Variants in CPNE2 observed in about 807,000 individuals in gnomAD.
CPNE2 encodes copine 2, also known as copine-2.
A neutral mutation model predicts 69.7 loss-of-function variants in CPNE2; 42 were observed. That is an observed-to-expected ratio of 0.60 (90% confidence interval 0.47 to 0.78). CPNE2 has a LOEUF of 0.78. Among genes scored for constraint, CPNE2 ranks in the 30% least tolerant of loss-of-function variants. The probability of loss-of-function intolerance (pLI) is 0.00; values close to 1 mark genes in which losing one functional copy is unlikely to be tolerated. For synonymous variants in CPNE2, 294 were observed against 289.8 expected (o/e 1.01, Z -0.15); for missense variants, 587 against 732.0 (o/e 0.80, Z 2.29).
At chr16:57,109,488 AAAAG>A (rs1159324760) in intron 1 of CPNE2, among the ~76,000 whole-genome samples, 3 of 152,042 alleles carry the variant, frequency 2.0e-5, no homozygotes, top group Non-Finnish European at 4.4e-5. Flanking sequence ...AAAAAAAAAA[AAAAG>A]AAAGTAAAGG....
Position 57,099,647 on chromosome 16 carries a change from G to T in CPNE2, c.-36+6857G>T, listed in dbSNP as rs531188375. Among the ~76,000 whole-genome samples the T allele has an allele frequency of 5.9e-5, 9 of 152,016 alleles. 1 individual carries two copies. Among genetic ancestry groups the T allele is most frequent in the African/African-American group, 2.2e-4 (9 of 41,450 alleles). On this transcript the variant is annotated intron_variant, in intron 1 of 15. Coordinates refer to ENST00000290776, the MANE Select transcript of CPNE2 (RefSeq NM_152727.6). ...CAGTTTCATTCTGTTGCCCTGGCTG[G>T]AGTGCAGTGGCGCGATCTCAGCTTG...
At position 57,130,047 on chromosome 16, in the gene CPNE2, A is replaced by G. The variant is rs1400075834; in HGVS notation, c.1116+2144A>G. Among the ~76,000 whole-genome samples the G allele has an allele frequency of 1.3e-5, 2 of 152,136 alleles. No homozygotes were observed. Among genetic ancestry groups the G allele is most frequent in the African/African-American group, 4.8e-5 (2 of 41,426 alleles). On this transcript the variant is annotated intron_variant, in intron 12 of 15. Coordinates refer to ENST00000290776, the MANE Select transcript of CPNE2 (RefSeq NM_152727.6). The surrounding 1 kb of genome is among the most constrained non-coding windows in gnomAD (Gnocchi z 4.1). The stretch of plus-strand genomic sequence containing the variant: ...GAGGATTGCTTGAGCCAGGAGTTCA[A>G]GACCAGTCTGGGCAACACAGTGAGA...
At chr16:57,124,082 CTTTTCTTTTT>C (rs200895563) in intron 10 of CPNE2, 4,609 of 172,496 alleles carry the variant, frequency 0.027, 218 homozygotes, top group East Asian at 0.12. Flanking sequence ...CTTTTCTTTT[CTTTTCTTTTT>C]TTTTTTTGAG....
chr16:57,104,980 G>A (rs910384982), intron 1 of CPNE2, among the ~76,000 whole-genome samples: 2 of 152,178 alleles, frequency 1.3e-5, no homozygotes, highest in Admixed American at 1.3e-4. Context: ...TGTCATCCTG[G>A]GCACGATTTG....
intron 14 of CPNE2, among the ~76,000 whole-genome samples, chr16:57,138,222 T>TCTCATCC: frequency 6.6e-6 from 1 of 152,100 alleles, no homozygotes; most frequent in Admixed American, 6.5e-5. Flanking sequence ...TTTCTCATCT[T>TCTCATCC]CCACCTCCAT....
Position 57,121,670 on chromosome 16 carries a change from C to G in CPNE2, c.781-4C>G, listed in dbSNP as rs372880318. ...TGAGTGTCTCTTTCTTTTGCGTTGC[C>G]CAGCTGGAGTTCGAGTGCATCAACC... On this transcript the variant is annotated splice_region_variant and splice_polypyrimidine_tract_variant and intron_variant, in intron 8 of 15. Coordinates refer to ENST00000290776, the MANE Select transcript of CPNE2 (RefSeq NM_152727.6). 5 of 1,613,822 alleles carry G rather than the reference C, an allele frequency of 3.1e-6. No homozygotes were observed. In the African/African-American group the frequency reaches 5.3e-5, roughly 17 times the overall value.
chr16:57,118,977 G>A (rs1437188889), intron 5 of CPNE2, among the ~76,000 whole-genome samples: 1 of 152,018 alleles, frequency 6.6e-6, no homozygotes, highest in Non-Finnish European at 1.5e-5. Context: ...GCCTCAGGGT[G>A]GGGGGTTTCT....
chr16:57,133,251 G>A (rs764911963), intron 12 of CPNE2, among the ~76,000 whole-genome samples: 2 of 152,156 alleles, frequency 1.3e-5, no homozygotes, highest in Non-Finnish European at 2.9e-5. Flanking sequence ...AGGGACACCA[G>A]GGGACTGGCT....
At chr16:57,142,395 G>A (rs936748088) in intron 14 of CPNE2, 2 of 152,434 alleles carry the variant, frequency 1.3e-5, no homozygotes, top group Admixed American at 6.5e-5. Flanking sequence ...GGCACGTGCC[G>A]AGGCCTGGAG....
chr16:57,129,310 A>G (rs2069821847), intron 12 of CPNE2, among the ~76,000 whole-genome samples: 1 of 152,216 alleles, frequency 6.6e-6, no homozygotes, highest in Non-Finnish European at 1.5e-5. Flanking sequence ...CTAGGGCGAG[A>G]GTGGGCAGAG....
At chr16:57,133,703 TAGCGTG>T (rs2069855461) in intron 12 of CPNE2, among the ~76,000 whole-genome samples, 1 of 152,104 alleles carries the variant, frequency 6.6e-6, no homozygotes, top group Non-Finnish European at 1.5e-5. Context: ...CTTTGGAGGT[TAGCGTG>T]AGCTCTGGGA....
chr16:57,138,106 C>T (rs1453702197), intron 14 of CPNE2, among the ~76,000 whole-genome samples: 2 of 152,214 alleles, frequency 1.3e-5, no homozygotes, highest in African/African-American at 2.4e-5. Context: ...AGCGCCGTGA[C>T]GGGGAATCAG....
At chr16:57,119,050 A>G (rs2069741457) in intron 5 of CPNE2, 145 bp from the exon 6 acceptor site, 1 of 684,504 alleles carries the variant, frequency 1.5e-6, no homozygotes, top group East Asian at 2.7e-5. Flanking sequence ...TGAGCCTTGC[A>G]GAGTCTGAGG....
At chr16:57,115,429 G>T in intron 3 of CPNE2, 47 bp from the exon 4 acceptor site, 1 of 1,474,418 alleles carries the variant, frequency 6.8e-7, no homozygotes, top group Non-Finnish European at 9.4e-7. Context: ...TCCTTCCCGG[G>T]CTTCCCCCGC....
At chr16:57,111,378 A>G (rs1370407945) in intron 2 of CPNE2, among the ~76,000 whole-genome samples, 1 of 152,094 alleles carries the variant, frequency 6.6e-6, no homozygotes, top group Non-Finnish European at 1.5e-5. Flanking sequence ...GGTTTTCGCC[A>G]TGTTGGCGAG....
intron 12 of CPNE2, among the ~76,000 whole-genome samples, chr16:57,132,199 G>T (rs1377162963): frequency 6.6e-6 from 1 of 152,198 alleles, no homozygotes; most frequent in Non-Finnish European, 1.5e-5. Context: ...TGAGACCTCA[G>T]TTTCTCCCTG....
At chr16:57,132,272 C>T (rs1046608377) in intron 12 of CPNE2, among the ~76,000 whole-genome samples, 77 of 152,302 alleles carry the variant, frequency 5.1e-4, no homozygotes, top group African/African-American at 1.8e-3. Flanking sequence ...GGTCTCAGGA[C>T]GCGTTTCCCT....
At position 57,147,746 on chromosome 16, in the gene CPNE2, CTT is replaced by C; in HGVS notation, c.*94_*95del. 1 of 765,272 alleles carries C rather than the reference CTT, an allele frequency of 1.3e-6. No homozygotes were observed. Among genetic ancestry groups the C allele is most frequent in the Non-Finnish European group, 1.9e-6 (1 of 526,388 alleles). 47.4% of individuals were successfully genotyped at this position (765,272 alleles called of 1,614,324 possible). ...CTCACTCTGCTTCCTTGTGGGTGGC[CTT>C]TTTTTACCGATCCCCTTTTTTATTT... On this transcript the variant is annotated 3_prime_UTR_variant, in exon 16 of 16. Transcript: ENST00000290776.
intron 14 of CPNE2, chr16:57,144,556 T>C (rs2069943765): frequency 6.6e-6 from 1 of 152,268 alleles, no homozygotes; most frequent in Admixed American, 6.5e-5. Context: ...AAACAGAGAA[T>C]ATGAAGACCA....
Sources: allele counts gnomAD v4.1 joint callset (sites outside exome capture counted in the v4.1 genomes callset), GRCh38; gene constraint gnomAD v4.1.1; non-coding constraint Gnocchi (gnomAD v3.1); transcripts MANE v1.5; gene names NCBI Gene and HGNC (gene_info 2026-07-23, HGNC 2026-07-21).